APBA1: variants seen among roughly 807,000 people sequenced by gnomAD.
APBA1 encodes amyloid beta precursor protein binding family A member 1, also known as amyloid-beta A4 precursor protein-binding family A member 1.
APBA1 carries 55 observed loss-of-function variants against 86.6 expected under a neutral mutation model. That is an observed-to-expected ratio of 0.64 (90% CI 0.51 to 0.80). APBA1 has a LOEUF of 0.80. APBA1 is among the 30% of genes least tolerant of loss of function. The pLI, the probability that APBA1 is intolerant of heterozygous loss-of-function variation, is 0.00. For synonymous variants in APBA1, 511 were observed against 493.9 expected (o/e 1.03, Z -0.46); for missense variants, 1,090 against 1,183.0 (o/e 0.92, Z 1.15).
At chr9:69,601,452 T>G (rs779649976) in intron 1 of APBA1, among the ~76,000 whole-genome samples, 1 of 152,240 alleles carries the variant, frequency 6.6e-6, no homozygotes, top group Non-Finnish European at 1.5e-5. Flanking sequence ...CACCATAACC[T>G]GCCTTTGCTG....
intron 1 of APBA1, among the ~76,000 whole-genome samples, chr9:69,556,439 G>A (rs200955482): frequency 7.9e-5 from 12 of 152,120 alleles, no homozygotes; most frequent in Admixed American, 3.9e-4. Context: ...ACAGCCTGTC[G>A]GAGTTTACAC....
intron 1 of APBA1, among the ~76,000 whole-genome samples, chr9:69,651,649 T>A (rs1204217495): frequency 1.3e-5 from 2 of 152,194 alleles, no homozygotes; most frequent in African/African-American, 4.8e-5. Flanking sequence ...CTAATTTTTG[T>A]ATTTTTAGTA....
chr9:69,488,332 A>C (rs7357615), intron 2 of APBA1, among the ~76,000 whole-genome samples: 15,345 of 152,152 alleles, frequency 0.1, 941 homozygotes, highest in East Asian at 0.28. Context: ...TTTTTGAAAA[A>C]AAAATATAAC....
At chr9:69,462,019 GA>G (rs1162736130) in intron 5 of APBA1, 1 of 152,084 alleles carries the variant, frequency 6.6e-6, no homozygotes, top group Non-Finnish European at 1.5e-5. Context: ...ATAAAAGAAT[GA>G]AAAAAATCTG....
At chr9:69,575,772 A>G (rs1484886614) in intron 1 of APBA1, among the ~76,000 whole-genome samples, 1 of 152,228 alleles carries the variant, frequency 6.6e-6, no homozygotes, top group Non-Finnish European at 1.5e-5. Context: ...AAACCTAGGC[A>G]ATACCATTCA....
chr9:69,529,973 A>G (rs1158341004), intron 1 of APBA1, among the ~76,000 whole-genome samples: 1 of 152,096 alleles, frequency 6.6e-6, no homozygotes, highest in Non-Finnish European at 1.5e-5. Context: ...ATCTTATACC[A>G]ATCAGAATGG....
chr9:69,598,029 C>T (rs1012227374), intron 1 of APBA1, among the ~76,000 whole-genome samples: 1 of 151,566 alleles, frequency 6.6e-6, no homozygotes, highest in African/African-American at 2.4e-5. Flanking sequence ...GACTTGGAAC[C>T]AACCCAAATG....
intron 2 of APBA1, among the ~76,000 whole-genome samples, chr9:69,484,677 C>T (rs182919724): frequency 7.4e-4 from 112 of 152,254 alleles, no homozygotes; most frequent in African/African-American, 2.7e-3. Flanking sequence ...CATCTGTTCA[C>T]GTTATGCCCC....
chr9:69,522,979 A>G (rs772555596), intron 1 of APBA1, among the ~76,000 whole-genome samples: 4 of 152,194 alleles, frequency 2.6e-5, no homozygotes, highest in Non-Finnish European at 5.9e-5. Context: ...CATCCTGGCT[A>G]CAGGATGAGG....
intron 1 of APBA1, among the ~76,000 whole-genome samples, chr9:69,611,943 T>C (rs1254784526): frequency 1.3e-5 from 2 of 152,202 alleles, no homozygotes; most frequent in East Asian, 3.8e-4. Flanking sequence ...TAGTTTTAAA[T>C]TTGTTGATAA....
intron 1 of APBA1, among the ~76,000 whole-genome samples, chr9:69,552,903 T>C (rs1167520105): frequency 9.3e-6 from 1 of 106,978 alleles, no homozygotes; most frequent in Non-Finnish European, 1.7e-5. Context: ...TGCCCTTTCT[T>C]GGGCTTTTTT....
At chr9:69,596,591 T>C (rs551237090) in intron 1 of APBA1, among the ~76,000 whole-genome samples, 6 of 152,328 alleles carry the variant, frequency 3.9e-5, no homozygotes, top group African/African-American at 1.4e-4. Context: ...GTTCCGAGCA[T>C]GTTATTAATA....
At chr9:69,668,482 TAG>T (rs769013561) in intron 1 of APBA1, among the ~76,000 whole-genome samples, 1 of 152,136 alleles carries the variant, frequency 6.6e-6, no homozygotes, top group South Asian at 2.1e-4. Context: ...ACTTTGACAA[TAG>T]AGTCTATCTG....
chr9:69,607,746 G>T (rs1367027701), intron 1 of APBA1, among the ~76,000 whole-genome samples: 2 of 152,198 alleles, frequency 1.3e-5, no homozygotes, highest in Non-Finnish European at 2.9e-5. Flanking sequence ...TGGGAGGTAA[G>T]ACTAACTAGT....
intron 1 of APBA1, among the ~76,000 whole-genome samples, chr9:69,569,690 C>A (rs1458186878): frequency 1.3e-5 from 2 of 152,142 alleles, no homozygotes; most frequent in Non-Finnish European, 1.5e-5. Flanking sequence ...AAACAGAAAA[C>A]TTTGTCTGCA....
chr9:69,444,308 G>A (rs1694468682), intron 10 of APBA1, among the ~76,000 whole-genome samples: 1 of 152,230 alleles, frequency 6.6e-6, no homozygotes. Flanking sequence ...ATGAACATCT[G>A]TGAAGGATCC....
intron 1 of APBA1, among the ~76,000 whole-genome samples, chr9:69,659,459 G>A (rs980469869): frequency 2.0e-5 from 3 of 152,098 alleles, no homozygotes; most frequent in South Asian, 2.1e-4. Flanking sequence ...AGCTGCAGAC[G>A]GGTTGATAAT....
At chr9:69,461,270 C>T (rs1001744265) in intron 5 of APBA1, 3 of 152,046 alleles carry the variant, frequency 2.0e-5, no homozygotes, top group East Asian at 1.9e-4. Context: ...TTTAAACCCT[C>T]GTGTTTCATG....
At chr9:69,603,153 A>G (rs1822388732) in intron 1 of APBA1, among the ~76,000 whole-genome samples, 1 of 152,212 alleles carries the variant, frequency 6.6e-6, no homozygotes, top group Non-Finnish European at 1.5e-5. Flanking sequence ...TTGCATTCAC[A>G]TGCCTTATGC....
Sources: allele counts gnomAD v4.1 joint callset (sites outside exome capture counted in the v4.1 genomes callset), GRCh38; gene constraint gnomAD v4.1.1; transcripts MANE v1.5; gene names NCBI Gene and HGNC (gene_info 2026-07-23, HGNC 2026-07-21).